Variants in LCLAT1 observed in about 807,000 individuals in gnomAD.
LCLAT1 encodes the protein 1-AGP acyltransferase 8.
LCLAT1 carries 11 observed loss-of-function variants against 30.7 expected under a neutral mutation model. That is an observed-to-expected ratio of 0.36 (90% confidence interval 0.23 to 0.59). The LOEUF is 0.59. Among genes scored for constraint, LCLAT1 ranks in the 20% least tolerant of loss-of-function variants. The pLI is 0.77. For synonymous variants in LCLAT1, 155 were observed against 151.3 expected (o/e 1.02, Z -0.18); for missense variants, 402 against 458.6 (o/e 0.88, Z 1.13).
At chr2:30,499,450 G>A (rs1296111823) in intron 1 of LCLAT1, among the ~76,000 whole-genome samples, 3 of 152,180 alleles carry the variant, frequency 2.0e-5, no homozygotes, top group African/African-American at 7.2e-5. Context: ...CCAAAGTGCT[G>A]GGATTACGGG....
chr2:30,613,251 G>C (rs557719169), intron 5 of LCLAT1, among the ~76,000 whole-genome samples: 7 of 152,260 alleles, frequency 4.6e-5, no homozygotes, highest in African/African-American at 1.7e-4. Context: ...CCACTGGGGA[G>C]AAGGGGTGAA....
intron 3 of LCLAT1, among the ~76,000 whole-genome samples, chr2:30,549,523 T>C (rs1664586342): frequency 6.6e-6 from 1 of 152,236 alleles, no homozygotes; most frequent in Admixed American, 6.5e-5. Context: ...TTGAATCTGC[T>C]TTGTATTTGG....
chr2:30,521,705 T>G (rs1685486215), intron 1 of LCLAT1, among the ~76,000 whole-genome samples: 1 of 151,436 alleles, frequency 6.6e-6, no homozygotes, highest in South Asian at 2.1e-4. Context: ...TGGGGTTTCC[T>G]CATGTTGGCC....
intron 5 of LCLAT1, among the ~76,000 whole-genome samples, chr2:30,632,651 C>G (rs185116520): frequency 3.3e-5 from 5 of 152,324 alleles, no homozygotes; most frequent in Admixed American, 2.6e-4. Context: ...GATGATACAA[C>G]AAGAACAACC....
chr2:30,602,456 C>T (rs1052582019), intron 5 of LCLAT1, among the ~76,000 whole-genome samples: 7 of 152,144 alleles, frequency 4.6e-5, no homozygotes, highest in South Asian at 2.1e-4. Context: ...AATTTTGTTT[C>T]GGTGGTCCCC....
At position 30,606,317 on chromosome 2, in the gene LCLAT1, A is replaced by C. The variant is rs372694713; in HGVS notation, c.629-33800A>C. Reference sequence around the variant, plus strand: ...CAAAAAGAACACAGCTGGAGGCATCACATTACCTGACTTCAAACTATACTA... The same window carrying C: ...CAAAAAGAACACAGCTGGAGGCATCCCATTACCTGACTTCAAACTATACTA... On this transcript the variant is annotated intron_variant, in intron 5 of 5. Coordinates refer to ENST00000379509, the MANE Select transcript of LCLAT1 (RefSeq NM_001002257.3). 632 of 287,126 alleles carry C rather than the reference A, an allele frequency of 2.2e-3. 2 individuals are homozygous for C. The highest frequency in any genetic ancestry group is 0.014 in the African/African-American group (594 of 41,908). The allele number at this position is 287,126 out of a possible 1,614,324, so 17.8% of individuals were successfully genotyped here.
intron 5 of LCLAT1, among the ~76,000 whole-genome samples, chr2:30,611,491 T>C (rs1667738043): frequency 2.0e-5 from 3 of 152,106 alleles, no homozygotes; most frequent in African/African-American, 7.2e-5. Flanking sequence ...GTATCCTCTT[T>C]ATTTTCAGGT....
At chr2:30,551,319 A>G (rs998884695) in intron 3 of LCLAT1, among the ~76,000 whole-genome samples, 3 of 152,308 alleles carry the variant, frequency 2.0e-5, no homozygotes, top group African/African-American at 7.2e-5. Context: ...GGAGTGCCTG[A>G]AGGTTGGCTC....
intron 1 of LCLAT1, among the ~76,000 whole-genome samples, chr2:30,482,079 T>C (rs1525063): frequency 0.5 from 76,603 of 152,052 alleles, 20,181 homozygotes; most frequent in Non-Finnish European, 0.58. Flanking sequence ...TTCAGGGAAG[T>C]AATTATAAGC....
chr2:30,626,019 C>A (rs1257323798), intron 5 of LCLAT1, among the ~76,000 whole-genome samples: 1 of 152,218 alleles, frequency 6.6e-6, no homozygotes, highest in African/African-American at 2.4e-5. Flanking sequence ...ACAGCTGTGA[C>A]TGGCACCGTG....
At chr2:30,557,456 C>G (rs1457189719) in intron 3 of LCLAT1, among the ~76,000 whole-genome samples, 1 of 151,798 alleles carries the variant, frequency 6.6e-6, no homozygotes, top group Non-Finnish European at 1.5e-5. Context: ...CTTTTGTCGC[C>G]CAGCCTGGAG....
At chr2:30,603,617 G>T (rs182865969) in intron 5 of LCLAT1, among the ~76,000 whole-genome samples, 1 of 152,040 alleles carries the variant, frequency 6.6e-6, no homozygotes, top group Non-Finnish European at 1.5e-5. Flanking sequence ...AGGATGTATT[G>T]TAACAAAAGA....
chr2:30,505,966 C>T (rs973324858), intron 1 of LCLAT1, among the ~76,000 whole-genome samples: 2 of 152,076 alleles, frequency 1.3e-5, no homozygotes, highest in African/African-American at 4.8e-5. Flanking sequence ...GGTTTAAGAA[C>T]TCTCAGACTT....
chr2:30,509,112 T>G (rs1219978881), intron 1 of LCLAT1, among the ~76,000 whole-genome samples: 1 of 152,202 alleles, frequency 6.6e-6, no homozygotes, highest in Non-Finnish European at 1.5e-5. Flanking sequence ...TTTTATACAT[T>G]GATTTTGTAT....
intron 5 of LCLAT1, among the ~76,000 whole-genome samples, chr2:30,605,562 A>G (rs1447267079): frequency 6.6e-6 from 1 of 152,212 alleles, no homozygotes; most frequent in Non-Finnish European, 1.5e-5. Context: ...TAGATATGTA[A>G]GGCAATTTCA....
At chr2:30,598,975 T>C (rs1426941818) in intron 5 of LCLAT1, among the ~76,000 whole-genome samples, 2 of 145,902 alleles carry the variant, frequency 1.4e-5, no homozygotes, top group Non-Finnish European at 3.0e-5. Flanking sequence ...AGTTTCTTTT[T>C]TTTTTTCTTT....
intron 1 of LCLAT1, among the ~76,000 whole-genome samples, chr2:30,495,247 G>T (rs546071149): frequency 1.3e-5 from 2 of 151,804 alleles, no homozygotes; most frequent in South Asian, 4.2e-4. Context: ...TCTGTTTATC[G>T]GTGTTCTTTG....
At chr2:30,630,963 C>G (rs1668739741) in intron 5 of LCLAT1, among the ~76,000 whole-genome samples, 1 of 152,040 alleles carries the variant, frequency 6.6e-6, no homozygotes, top group Non-Finnish European at 1.5e-5. Flanking sequence ...ACAGAAAATG[C>G]CAAAAATTTC....
intron 3 of LCLAT1, among the ~76,000 whole-genome samples, chr2:30,539,619 A>G (rs1664031569): frequency 6.6e-6 from 1 of 152,208 alleles, no homozygotes; most frequent in Non-Finnish European, 1.5e-5. Context: ...TGCTAAAGTA[A>G]ATTGTCCACT....
Sources: gnomAD v4.1 joint callset for allele counts (sites outside exome capture counted in the v4.1 genomes callset) on GRCh38, gnomAD v4.1.1 for gene constraint, MANE v1.5 for transcripts, NCBI Gene and HGNC (gene_info 2026-07-23, HGNC 2026-07-21) for gene names.